Variants in DCDC1 observed in about 807,000 individuals in gnomAD.
DCDC1 encodes doublecortin domain-containing protein 1.
DCDC1 carries 200 observed loss-of-function variants against 178.3 expected under a neutral mutation model. That is an observed-to-expected ratio of 1.12 (90% confidence interval 1.00 to 1.26). DCDC1 has a LOEUF of 1.26. Among genes scored for constraint, DCDC1 ranks in the 50% most tolerant of loss-of-function variants. The pLI is 0.00. For synonymous variants in DCDC1, 690 were observed against 604.8 expected (o/e 1.14, Z -2.07); for missense variants, 1,983 against 1,749.2 (o/e 1.13, Z -2.38).
chr11:31,322,421 A>T (rs956134940), intron 3 of DCDC1, among the ~76,000 whole-genome samples: 1 of 152,216 alleles, frequency 6.6e-6, no homozygotes, highest in African/African-American at 2.4e-5. Flanking sequence ...GTCCATGGAA[A>T]GTATCCTACG....
In DCDC1 at chr11:31,335,254, G is replaced by C. The variant is rs1281311280; in HGVS notation, c.-7+193C>G. Among the ~76,000 whole-genome samples, 4 of 152,190 alleles carry C rather than the reference G, an allele frequency of 2.6e-5. No individual in the cohort carries two copies. In the East Asian group the frequency reaches 5.8e-4, roughly 22 times the overall value. On this transcript the variant is annotated intron_variant, in intron 2 of 38. Transcript: ENST00000684477. ...TGGTGTGTCATTTGCTAAGACCATT[G>C]GAAAAGCGCAGTATTTGGGCTGGAG...
intron 4 of DCDC1, 107 bp downstream of exon 4, chr11:31,307,532 G>A (rs970202044): frequency 7.1e-7 from 1 of 1,412,744 alleles, no homozygotes; most frequent in African/African-American, 1.4e-5. Context: ...CCCGAGAGAT[G>A]TGTTACATTT....
At chr11:31,245,102 C>T (rs2136928653) in intron 8 of DCDC1, among the ~76,000 whole-genome samples, 1 of 151,682 alleles carries the variant, frequency 6.6e-6, no homozygotes, top group South Asian at 2.1e-4. Flanking sequence ...TCCTTCAAGG[C>T]TCATATCAAA....
chr11:30,929,236 G>A (rs1565088151), intron 22 of DCDC1, among the ~76,000 whole-genome samples: 1 of 152,030 alleles, frequency 6.6e-6, no homozygotes, highest in Non-Finnish European at 1.5e-5. Flanking sequence ...AATGATCTAT[G>A]ATCATAACAT....
intron 9 of DCDC1, among the ~76,000 whole-genome samples, chr11:31,217,350 T>G (rs991544886): frequency 1.3e-5 from 2 of 152,198 alleles, no homozygotes; most frequent in Non-Finnish European, 2.9e-5. Context: ...TTAAGTCAAT[T>G]TTTTAAAAAA....
chr11:30,962,535 C>T (rs985325092), intron 20 of DCDC1, among the ~76,000 whole-genome samples: 15 of 151,552 alleles, frequency 9.9e-5, no homozygotes, highest in African/African-American at 3.6e-4. Flanking sequence ...ATATTATATC[C>T]CTCTCAACTG....
chr11:30,945,035 C>A (rs911541019), intron 21 of DCDC1, among the ~76,000 whole-genome samples: 1 of 123,300 alleles, frequency 8.1e-6, no homozygotes, highest in Admixed American at 1.1e-4. Context: ...GTGGCACAAT[C>A]TCAGCTCACT....
chr11:31,357,473 C>G (rs1348938407), intron 1 of DCDC1, among the ~76,000 whole-genome samples: 2 of 151,966 alleles, frequency 1.3e-5, no homozygotes, highest in African/African-American at 4.8e-5. Flanking sequence ...AAACCCACAG[C>G]CAATATCATA....
At chr11:31,347,626 T>C (rs1284344715) in intron 1 of DCDC1, among the ~76,000 whole-genome samples, 2 of 152,310 alleles carry the variant, frequency 1.3e-5, no homozygotes, top group African/African-American at 4.8e-5. Flanking sequence ...CCACCCTATA[T>C]GTATCCTGCG....
intron 9 of DCDC1, among the ~76,000 whole-genome samples, chr11:31,219,368 G>A (rs1291674124): frequency 6.6e-6 from 1 of 152,028 alleles, no homozygotes; most frequent in Non-Finnish European, 1.5e-5. Context: ...TTGAGTATCA[G>A]AATCAACTCT....
chr11:31,262,969 A>AT, intron 8 of DCDC1: 4 of 1,484,118 alleles, frequency 2.7e-6, no homozygotes, highest in South Asian at 2.5e-5. Flanking sequence ...CAAGGCATGC[A>AT]TTAAAATGTG....
intron 3 of DCDC1, 131 bp downstream of exon 3, chr11:31,327,986 T>A (rs566914348): frequency 2.2e-6 from 2 of 897,122 alleles, no homozygotes; most frequent in African/African-American, 1.7e-5. Context: ...TGCCTCGGCC[T>A]CCCAAAGTGC....
intron 17 of DCDC1, among the ~76,000 whole-genome samples, chr11:31,081,669 C>A (rs1031302893): frequency 4.6e-5 from 7 of 151,984 alleles, no homozygotes; most frequent in Non-Finnish European, 8.8e-5. Context: ...AATTTACTAG[C>A]ATTTGTCAAA....
At chr11:30,956,528 T>A (rs1565121862) in intron 20 of DCDC1, among the ~76,000 whole-genome samples, 1 of 152,200 alleles carries the variant, frequency 6.6e-6, no homozygotes, top group Non-Finnish European at 1.5e-5. Context: ...AGTTCACATA[T>A]CCAGTTCGTT....
chr11:30,967,757 C>A (rs1315167427), intron 20 of DCDC1, among the ~76,000 whole-genome samples: 1 of 152,110 alleles, frequency 6.6e-6, no homozygotes, highest in Admixed American at 6.6e-5. Context: ...CCAAACAGCT[C>A]TTAAAGTCTA....
Position 31,125,055 on chromosome 11 carries a change from T to C in DCDC1, c.1485+2414A>G, listed in dbSNP as rs532401658. ...TCTGACAAAGGTCTAATATCCACAA[T>C]TTACATGGAACTTAAGCAAATTTGC... On this transcript the variant is annotated intron_variant, in intron 11 of 38. Transcript: ENST00000684477. Among the ~76,000 whole-genome samples the C allele has an allele frequency of 2.6e-5, 4 of 152,086 alleles. No homozygotes were observed. The South Asian group carries it at 8.3e-4, about 32-fold the overall frequency.
At chr11:31,311,446 C>T (rs1361385278) in intron 3 of DCDC1, among the ~76,000 whole-genome samples, 1 of 152,176 alleles carries the variant, frequency 6.6e-6, no homozygotes, top group African/African-American at 2.4e-5. Flanking sequence ...AAAGTATTCA[C>T]TAAAATACAT....
intron 9 of DCDC1, among the ~76,000 whole-genome samples, chr11:31,156,338 T>A (rs893859254): frequency 2.6e-5 from 4 of 152,120 alleles, no homozygotes; most frequent in Non-Finnish European, 5.9e-5. Flanking sequence ...GTGAAAACCA[T>A]TCTAACTTTC....
Position 31,043,177 on chromosome 11 carries a change from A to C in DCDC1, c.2591+21292T>G, listed in dbSNP as rs1040114981. Among the ~76,000 whole-genome samples the C allele has an allele frequency of 4.6e-5, 7 of 152,356 alleles. No individual in the cohort carries two copies. In the East Asian group the frequency reaches 1.4e-3, roughly 29 times the overall value. ...AAACATAGTTAAGGTACAGGAAAATATGAGGCCACTGTTGTCTATGCAGTC... is the reference window on the plus strand; with the variant it reads ...AAACATAGTTAAGGTACAGGAAAATCTGAGGCCACTGTTGTCTATGCAGTC... On this transcript the variant is annotated intron_variant, in intron 20 of 38. Transcript: ENST00000684477.
Sources: allele counts gnomAD v4.1 joint callset (sites outside exome capture counted in the v4.1 genomes callset), GRCh38; gene constraint gnomAD v4.1.1; transcripts MANE v1.5; gene names NCBI Gene and HGNC (gene_info 2026-07-23, HGNC 2026-07-21).